The following LRCH2 variants were observed in gnomAD, a reference collection of about 807,000 sequenced individuals.
LRCH2 encodes leucine-rich repeat and calponin homology domain-containing protein 2.
A neutral mutation model predicts 68.9 loss-of-function variants in LRCH2; 38 were observed. The observed-to-expected ratio is 0.55, with a 90% CI of 0.43 to 0.72. The LOEUF is 0.72. Ranked by LOEUF, LRCH2 falls within the 30% of genes least tolerant of loss-of-function variation. The pLI is 0.00. For synonymous variants in LRCH2, 191 were observed against 208.1 expected, an observed-to-expected ratio of 0.92 and a Z score of 0.71; for missense variants, 528 against 572.9, an observed-to-expected ratio of 0.92 and a Z score of 0.80.
At chrX:115,228,008 G>A (rs2073130143) in intron 1 of LRCH2, among the ~76,000 whole-genome samples, 1 of 111,892 alleles carries the variant, frequency 8.9e-6, no homozygotes, top group African/African-American at 3.2e-5. Context: ...AAATACATTA[G>A]AAAATATCTA....
intron 14 of LRCH2, 101 bp downstream of exon 14, chrX:115,149,726 T>C (rs2072416898): frequency 2.1e-6 from 1 of 470,676 alleles, no homozygotes; most frequent in Non-Finnish European, 3.5e-6. Flanking sequence ...ATTTACTACA[T>C]TTAACTAGAG....
intron 3 of LRCH2, among the ~76,000 whole-genome samples, chrX:115,181,678 C>A (rs1193332857): frequency 1.8e-5 from 2 of 112,224 alleles, no homozygotes; most frequent in African/African-American, 6.5e-5. Flanking sequence ...TCCACCAATT[C>A]AATATGTGAT....
At chrX:115,120,102 A>C (rs2072123415) in intron 20 of LRCH2, among the ~76,000 whole-genome samples, 1 of 102,897 alleles carries the variant, frequency 9.7e-6, no homozygotes, top group African/African-American at 3.6e-5. Flanking sequence ...TTCAGGACAT[A>C]GGCATGGGCA....
intron 14 of LRCH2, among the ~76,000 whole-genome samples, chrX:115,138,761 C>A (rs2072311167): frequency 8.9e-6 from 1 of 112,032 alleles, no homozygotes; most frequent in South Asian, 3.7e-4. Flanking sequence ...TAGAAAGATG[C>A]TAAGTTTGCA....
rs368561385 is a variant in LRCH2 at position 115,227,293 on chromosome X, T to TA, written c.349+6399dup. Among the ~76,000 whole-genome samples the TA allele has an allele frequency of 6.8e-3, 627 of 91,995 alleles. 6 individuals carry two copies. The highest frequency in any genetic ancestry group is 0.015 in the African/African-American group (370 of 25,229). The allele number at this position is 91,995 out of a possible 115,157, so 79.9% of individuals were successfully genotyped here. A position where few individuals can be genotyped will look rare whatever the true frequency, so the allele number is the denominator to read the frequency against. On this transcript the variant is annotated intron_variant, in intron 1 of 20. Transcript: ENST00000317135. Reference sequence around the variant, plus strand: ...GGCAACATAGCAAGGCCTTGTCTCTTAAAAAAAAAAAAAAAAGTCTCCAGA... The same window carrying TA: ...GGCAACATAGCAAGGCCTTGTCTCTTAAAAAAAAAAAAAAAAAGTCTCCAGA...
chrX:115,177,882 G>A (rs1292727497), intron 5 of LRCH2, among the ~76,000 whole-genome samples: 2 of 109,745 alleles, frequency 1.8e-5, no homozygotes, highest in African/African-American at 6.7e-5. Flanking sequence ...TTATGAGTGA[G>A]AACATGTGGT....
chrX:115,175,554 C>A (rs913446585), intron 5 of LRCH2, among the ~76,000 whole-genome samples: 1 of 112,091 alleles, frequency 8.9e-6, no homozygotes, highest in Non-Finnish European at 1.9e-5. Flanking sequence ...ACACTGCTGT[C>A]CCAGTCTGAA....
chrX:115,150,378 A>G (rs907835077), intron 12 of LRCH2, among the ~76,000 whole-genome samples: 2 of 110,908 alleles, frequency 1.8e-5, no homozygotes, highest in Admixed American at 9.8e-5. Flanking sequence ...GACAGACAGG[A>G]TATTTATTAT....
At chrX:115,189,998 C>G in intron 1 of LRCH2, 12 of 1,161,687 alleles carry the variant, frequency 1.0e-5, no homozygotes, top group Non-Finnish European at 1.4e-5. Flanking sequence ...CCGACTGTGT[C>G]GGGGCAAGAT....
At chrX:115,231,342 T>C (rs782154255) in intron 1 of LRCH2, among the ~76,000 whole-genome samples, 1 of 111,855 alleles carries the variant, frequency 8.9e-6, no homozygotes, top group South Asian at 3.7e-4. Flanking sequence ...CATATGTATG[T>C]ATAATCTCAA....
intron 1 of LRCH2, among the ~76,000 whole-genome samples, chrX:115,205,032 A>G (rs1159551666): frequency 1.8e-5 from 2 of 111,948 alleles, no homozygotes; most frequent in Non-Finnish European, 3.8e-5. Flanking sequence ...TAATTGACAC[A>G]CAATTCTACA....
At chrX:115,203,301 A>G (rs1256495335) in intron 1 of LRCH2, among the ~76,000 whole-genome samples, 1 of 112,141 alleles carries the variant, frequency 8.9e-6, no homozygotes, top group South Asian at 3.7e-4. Flanking sequence ...TTATAATTCA[A>G]TATGAGACTT....
chrX:115,222,938 T>C (rs191491955), intron 1 of LRCH2, among the ~76,000 whole-genome samples: 1 of 112,072 alleles, frequency 8.9e-6, no homozygotes, highest in African/African-American at 3.2e-5. Flanking sequence ...CCAAACTTAC[T>C]GCACAGCTAC....
At chrX:115,220,790 A>C (rs2073073256) in intron 1 of LRCH2, among the ~76,000 whole-genome samples, 1 of 111,704 alleles carries the variant, frequency 9.0e-6, no homozygotes, top group African/African-American at 3.3e-5. Flanking sequence ...ATTTAACATC[A>C]TAAACAGTAC....
intron 1 of LRCH2, among the ~76,000 whole-genome samples, chrX:115,196,461 T>C (rs2072888263): frequency 9.0e-6 from 1 of 111,154 alleles, no homozygotes; most frequent in Non-Finnish European, 1.9e-5. Context: ...GAGTACAAGC[T>C]TGCCCAGTCT....
chrX:115,190,160 G>C, intron 1 of LRCH2: 1 of 1,165,127 alleles, frequency 8.6e-7, no homozygotes, highest in Non-Finnish European at 1.1e-6. Context: ...CCGCGGGTCC[G>C]GGAGCCACTG....
In LRCH2 at chrX:115,234,050, G is replaced by A. The variant is rs1556579527; in HGVS notation, c.-9C>T. On this transcript the variant is annotated 5_prime_UTR_variant, in exon 1 of 21. Coordinates refer to ENST00000317135, the MANE Select transcript of LRCH2 (RefSeq NM_020871.4). ...CCCTGACTCGCCGCCATGTTCCTGG[G>A]AGAGAGAATAGCCCCCGACAATACT... The A allele has an allele frequency of 2.6e-6, 3 of 1,160,642 alleles. No homozygotes were observed. In the African/African-American group the frequency reaches 5.5e-5, roughly 21 times the overall value.
At chrX:115,205,662 G>T (rs1460757539) in intron 1 of LRCH2, among the ~76,000 whole-genome samples, 1 of 111,869 alleles carries the variant, frequency 8.9e-6, no homozygotes, top group Non-Finnish European at 1.9e-5. Context: ...AAGTCAGCTG[G>T]GCATGGTGGC....
intron 16 of LRCH2, among the ~76,000 whole-genome samples, chrX:115,124,826 G>A (rs782656537): frequency 5.0e-4 from 56 of 111,365 alleles, no homozygotes; most frequent in Admixed American, 1.2e-3. Flanking sequence ...CTATTTTATG[G>A]GGCTGCTTTT....
Sources: gnomAD v4.1 joint callset for allele counts (sites outside exome capture counted in the v4.1 genomes callset) on GRCh38, gnomAD v4.1.1 for gene constraint, MANE v1.5 for transcripts, NCBI Gene and HGNC (gene_info 2026-07-23, HGNC 2026-07-21) for gene names.